Variants in CD274 observed in about 807,000 individuals in gnomAD.
CD274 encodes programmed cell death 1 ligand 1.
A neutral mutation model predicts 30.1 loss-of-function variants in CD274; 8 were observed. The ratio of observed to expected loss-of-function variants is 0.27; its 90% CI spans 0.16 to 0.48. The LOEUF (loss-of-function observed/expected upper bound fraction) is 0.48. Ranked by LOEUF, CD274 falls within the 20% of genes least tolerant of loss-of-function variation. CD274 has a pLI of 0.99. For synonymous variants in CD274, 152 were observed against 124.6 expected, an observed-to-expected ratio of 1.22 and a Z score of -1.46; for missense variants, 353 against 346.6, an observed-to-expected ratio of 1.02 and a Z score of -0.15.
chr9:5,457,887 C>G (rs998324317), intron 3 of CD274, among the ~76,000 whole-genome samples: 1 of 151,884 alleles, frequency 6.6e-6, no homozygotes. Context: ...GTCAGTTTTC[C>G]TTTTTTGAGC....
At chr9:5,457,679 T>A (rs890710716) in intron 3 of CD274, among the ~76,000 whole-genome samples, 1 of 152,122 alleles carries the variant, frequency 6.6e-6, no homozygotes, top group Non-Finnish European at 1.5e-5. Context: ...GAATTTCTAG[T>A]CTTTACTTTT....
At chr9:5,466,322 T>C (rs926460590) in intron 5 of CD274, among the ~76,000 whole-genome samples, 3 of 152,146 alleles carry the variant, frequency 2.0e-5, no homozygotes, top group African/African-American at 4.8e-5. Context: ...ATAAGCTGTT[T>C]CCAAAAATTA....
rs188918055 is a variant in CD274, at chr9:5,462,783, C to A, written c.395-51C>A. 3.9e-6 allele frequency: 6 copies of A among 1,533,458 alleles called. No individual in the cohort carries two copies. In the Admixed American group the frequency reaches 7.0e-5, roughly 18 times the overall value. 95.0% of individuals were successfully genotyped at this position (1,533,458 alleles called of 1,614,324 possible). A position where few individuals can be genotyped will look rare whatever the true frequency, so the allele number is the denominator to read the frequency against. ...AATGTGGACAGCATCAAGCTATGTA[C>A]GTAGTTCTGTGCTCAGCAAAAGCCC... On this transcript the variant is annotated intron_variant, in intron 3 of 6. Transcript: ENST00000381577.
intron 1 of CD274, among the ~76,000 whole-genome samples, chr9:5,453,334 A>C (rs1350700875): frequency 6.6e-6 from 1 of 152,242 alleles, no homozygotes. Flanking sequence ...TTAGCAAAAA[A>C]ATAATATTTT....
In CD274 at chr9:5,462,841, C is replaced by T. The variant is rs561746087; in HGVS notation, c.402C>T (p.Tyr134=). ...KRITVKVNAP[Y]NKINQRILVV... is the part of the protein sequence containing the mutation. ...TTTTTGTTTATGTCCTAGCCCCATACAACAAAATCAACCAAAGAATTTTGG... is the reference window on the plus strand; with the variant it reads ...TTTTTGTTTATGTCCTAGCCCCATATAACAAAATCAACCAAAGAATTTTGG... Residue 134 remains tyrosine (Y), a synonymous_variant, in exon 4 of 7, where the codon TAC becomes TAT. Transcript: ENST00000381577. 7.2e-5 allele frequency: 116 copies of T among 1,613,116 alleles called. 1 individual carries two copies. The South Asian group carries it at 1.1e-3, about 16-fold the overall frequency.
intron 2 of CD274, among the ~76,000 whole-genome samples, chr9:5,456,818 C>A (rs1295888012): frequency 6.6e-6 from 1 of 152,144 alleles, no homozygotes; most frequent in East Asian, 1.9e-4. Flanking sequence ...AATATTTATA[C>A]AGTAATATAT....
chr9:5,462,097 T>A (rs1819414581), intron 3 of CD274, among the ~76,000 whole-genome samples: 1 of 152,200 alleles, frequency 6.6e-6, no homozygotes, highest in Non-Finnish European at 1.5e-5. Context: ...CTTTGCAACT[T>A]TTTTGTAAAT....
intron 1 of CD274, 98 bp from the exon 2 acceptor site, chr9:5,456,002 G>C (rs376804104): frequency 2.6e-5 from 19 of 742,530 alleles, no homozygotes; most frequent in African/African-American, 2.0e-4. Flanking sequence ...CTGGTTATTA[G>C]AAGACTATTT....
chr9:5,464,485 G>C (rs1040420220), intron 4 of CD274, among the ~76,000 whole-genome samples: 2 of 152,154 alleles, frequency 1.3e-5, no homozygotes, highest in Non-Finnish European at 2.9e-5. Flanking sequence ...TCTCAGTGGA[G>C]AGCTGAGCCA....
At chr9:5,453,754 C>T (rs1819249194) in intron 1 of CD274, among the ~76,000 whole-genome samples, 1 of 152,098 alleles carries the variant, frequency 6.6e-6, no homozygotes, top group African/African-American at 2.4e-5. Context: ...ATGTTTTTTG[C>T]TCACAGTGGT....
At position 5,465,379 on chromosome 9, in the gene CD274, T is replaced by C; in HGVS notation, c.683-120T>C. On this transcript the variant is annotated intron_variant, in intron 4 of 6. Transcript: ENST00000381577. ...CTCGCCATTCCAGCCACTCAAACTTTGGCATTTAAGAAAATTATCCTAAAG... is the reference window on the plus strand; with the variant it reads ...CTCGCCATTCCAGCCACTCAAACTTCGGCATTTAAGAAAATTATCCTAAAG... 9.8e-6 allele frequency: 6 copies of C among 609,858 alleles called. No individual in the cohort carries two copies. The South Asian group carries it at 1.1e-4, about 12-fold the overall frequency. 37.8% of individuals were successfully genotyped at this position (609,858 alleles called of 1,614,324 possible). A position where few individuals can be genotyped will look rare whatever the true frequency, so the allele number is the denominator to read the frequency against.
At chr9:5,465,400 T>G (rs1279622185) in intron 4 of CD274, 99 bp from the exon 5 acceptor site, 2 of 678,518 alleles carry the variant, frequency 2.9e-6, no homozygotes, top group African/African-American at 3.6e-5. Flanking sequence ...AAAATTATCC[T>G]AAAGCTAAAC....
intron 5 of CD274, 38 bp from the exon 6 acceptor site, chr9:5,466,732 G>C: frequency 6.7e-7 from 1 of 1,492,582 alleles, no homozygotes; most frequent in African/African-American, 1.4e-5. Flanking sequence ...ATGTAGAGCT[G>C]TGCTATATGG....
chr9:5,453,305 A>C (rs1254103445), intron 1 of CD274, among the ~76,000 whole-genome samples: 1 of 152,242 alleles, frequency 6.6e-6, no homozygotes, highest in Non-Finnish European at 1.5e-5. Context: ...CAGACCAAAA[A>C]ATGATCAGAT....
At chr9:5,460,308 A>G (rs1203326128) in intron 3 of CD274, among the ~76,000 whole-genome samples, 1 of 152,186 alleles carries the variant, frequency 6.6e-6, no homozygotes, top group East Asian at 1.9e-4. Flanking sequence ...CAGCTCTGCT[A>G]CTGCTACTAT....
At chr9:5,455,037 G>T (rs1290595634) in intron 1 of CD274, among the ~76,000 whole-genome samples, 1 of 151,934 alleles carries the variant, frequency 6.6e-6, no homozygotes, top group Non-Finnish European at 1.5e-5. Context: ...TATATATTAG[G>T]AACATTAATC....
chr9:5,466,104 T>C (rs539209945), intron 5 of CD274, among the ~76,000 whole-genome samples: 1 of 152,352 alleles, frequency 6.6e-6, no homozygotes, highest in East Asian at 1.9e-4. Flanking sequence ...AAAATGAGTA[T>C]ATTCAAATAA....
chr9:5,451,051 G>A (rs1819193985), intron 1 of CD274, among the ~76,000 whole-genome samples: 1 of 152,174 alleles, frequency 6.6e-6, no homozygotes, highest in African/African-American at 2.4e-5. Context: ...TCCCTGAACG[G>A]AATTTATTTG....
At position 5,470,046 on chromosome 9, in the gene CD274, C is replaced by A. The variant is rs1363722220; in HGVS notation, c.*2184C>A. On this transcript the variant is annotated 3_prime_UTR_variant, in exon 7 of 7. Transcript: ENST00000381577. The stretch of plus-strand genomic sequence containing the variant: ...CACCAGCTGTCATCACTACACAGCC[C>A]TCCTAAGAGGCTTCCTGGAGGTTTC... 1 of 233,008 alleles carries A rather than the reference C, an allele frequency of 4.3e-6. No individual in the cohort carries two copies. Among genetic ancestry groups the A allele is most frequent in the East Asian group, 6.0e-5 (1 of 16,592 alleles). 14.4% of individuals were successfully genotyped at this position (233,008 alleles called of 1,614,324 possible).
Sources: allele counts gnomAD v4.1 joint callset (sites outside exome capture counted in the v4.1 genomes callset), GRCh38; gene constraint gnomAD v4.1.1; transcripts MANE v1.5; gene names NCBI Gene and HGNC (gene_info 2026-07-23, HGNC 2026-07-21).